The following EPM2A variants were observed in gnomAD, a reference collection of about 807,000 sequenced individuals.
EPM2A encodes laforin.
EPM2A carries 21 observed loss-of-function variants against 26.5 expected under a neutral mutation model. That is an observed-to-expected ratio of 0.79 (90% CI 0.56 to 1.14). EPM2A has a LOEUF of 1.14. EPM2A is among the 50% of genes most tolerant of loss of function. The pLI, the probability that EPM2A is intolerant of heterozygous loss-of-function variation, is 0.00. For synonymous variants in EPM2A, 217 were observed against 177.6 expected (o/e 1.22, Z -1.76); for missense variants, 458 against 440.8 (o/e 1.04, Z -0.35).
At chr6:145,451,378 T>A (rs1036917339) in intron 4 of EPM2A, among the ~76,000 whole-genome samples, 3 of 151,888 alleles carry the variant, frequency 2.0e-5, no homozygotes, top group African/African-American at 7.2e-5. Context: ...AGGTACAAGA[T>A]AAAACAATGG....
At chr6:145,734,220 AG>A (rs1458794068) in intron 1 of EPM2A, among the ~76,000 whole-genome samples, 1 of 152,256 alleles carries the variant, frequency 6.6e-6, no homozygotes, top group Non-Finnish European at 1.5e-5. Context: ...TGGTAGATGC[AG>A]AATAATTTGT....
At chr6:145,661,917 G>A (rs944309012) in intron 2 of EPM2A, among the ~76,000 whole-genome samples, 1 of 151,930 alleles carries the variant, frequency 6.6e-6, no homozygotes, top group African/African-American at 2.4e-5. Flanking sequence ...TCTTTGGAAA[G>A]ATCTGAAGTA....
intron 2 of EPM2A, among the ~76,000 whole-genome samples, chr6:145,541,759 C>T (rs1780513645): frequency 6.6e-6 from 1 of 152,066 alleles, no homozygotes; most frequent in South Asian, 2.1e-4. Context: ...GACAAATTAA[C>T]ATGAGTATCT....
At chr6:145,601,287 T>G (rs1226804283) in intron 2 of EPM2A, among the ~76,000 whole-genome samples, 1 of 152,212 alleles carries the variant, frequency 6.6e-6, no homozygotes, top group African/African-American at 2.4e-5. Flanking sequence ...ACTTCACCTG[T>G]TGTTTTTCCC....
intron 2 of EPM2A, among the ~76,000 whole-genome samples, chr6:145,588,435 G>A (rs1042263270): frequency 6.6e-6 from 1 of 152,092 alleles, no homozygotes; most frequent in Non-Finnish European, 1.5e-5. Flanking sequence ...TCATTTTTGA[G>A]AAATGTCCTT....
At chr6:145,676,224 C>T (rs1028197957) in intron 2 of EPM2A, among the ~76,000 whole-genome samples, 5 of 152,062 alleles carry the variant, frequency 3.3e-5, no homozygotes, top group Non-Finnish European at 1.5e-5. Context: ...TTCTTTGAAA[C>T]CAATGAAAAC....
At chr6:145,533,408 A>G (rs967361967) in intron 2 of EPM2A, among the ~76,000 whole-genome samples, 1 of 152,144 alleles carries the variant, frequency 6.6e-6, no homozygotes, top group Non-Finnish European at 1.5e-5. Flanking sequence ...GTCTCATAAA[A>G]TGCAGATCAT....
chr6:145,450,063 C>T (rs767155419), intron 4 of EPM2A, among the ~76,000 whole-genome samples: 51 of 151,616 alleles, frequency 3.4e-4, no homozygotes, highest in Non-Finnish European at 8.8e-5. Context: ...TGTAGAAAAA[C>T]TGAAACCAGG....
chr6:145,523,681 CAAT>C (rs1780233236), intron 2 of EPM2A, among the ~76,000 whole-genome samples: 1 of 152,138 alleles, frequency 6.6e-6, no homozygotes, highest in African/African-American at 2.4e-5. Context: ...CCCTGAAACA[CAAT>C]AATATTGAAA....
intron 2 of EPM2A, among the ~76,000 whole-genome samples, chr6:145,504,223 C>T (rs1245675676): frequency 8.0e-6 from 1 of 124,294 alleles, no homozygotes; most frequent in Non-Finnish European, 1.7e-5. Flanking sequence ...GCAATGGCAA[C>T]AAAAGCCAAA....
At chr6:145,697,044 C>A (rs1039163226) in intron 1 of EPM2A, among the ~76,000 whole-genome samples, 1 of 152,070 alleles carries the variant, frequency 6.6e-6, no homozygotes, top group South Asian at 2.1e-4. Context: ...TAACTTGGTG[C>A]ATAATAGGTT....
At chr6:145,430,511 G>T (rs952455134) in intron 4 of EPM2A, among the ~76,000 whole-genome samples, 6 of 151,796 alleles carry the variant, frequency 4.0e-5, no homozygotes, top group African/African-American at 1.2e-4. Context: ...TGAAGCAGGA[G>T]AATCGCTTGA....
chr6:145,712,734 T>C (rs934037180), intron 1 of EPM2A, among the ~76,000 whole-genome samples: 2 of 152,140 alleles, frequency 1.3e-5, no homozygotes, highest in South Asian at 2.1e-4. Flanking sequence ...CCAGAGAGTT[T>C]TTCTCCACCA....
intron 2 of EPM2A, among the ~76,000 whole-genome samples, chr6:145,541,972 T>TA (rs202151020): frequency 8.8e-4 from 130 of 147,738 alleles, no homozygotes; most frequent in African/African-American, 1.3e-3. Flanking sequence ...AGATGATGCT[T>TA]AAAAAAAAAA....
chr6:145,640,338 G>C (rs895091114), intron 2 of EPM2A: 1 of 152,164 alleles, frequency 6.6e-6, no homozygotes, highest in Admixed American at 6.5e-5. Context: ...AGAAATGGCA[G>C]AATAACCTTT....
intron 4 of EPM2A, among the ~76,000 whole-genome samples, chr6:145,387,187 CT>C (rs1233181563): frequency 1.2e-4 from 18 of 152,232 alleles, no homozygotes; most frequent in Admixed American, 1.2e-3. Flanking sequence ...ACAGAGATAG[CT>C]TTGTTCTGTT....
chr6:145,428,817 C>G (rs1778885756), intron 4 of EPM2A, among the ~76,000 whole-genome samples: 1 of 152,222 alleles, frequency 6.6e-6, no homozygotes, highest in South Asian at 2.1e-4. Context: ...CCTCAAGGAC[C>G]ATTTGGAAGC....
chr6:145,637,655 A>G (rs1455293265), intron 2 of EPM2A: 2 of 152,234 alleles, frequency 1.3e-5, no homozygotes, highest in African/African-American at 2.4e-5. Flanking sequence ...CTGGATCCAG[A>G]TAATTCTTAG....
intron 1 of EPM2A, among the ~76,000 whole-genome samples, chr6:145,700,645 T>C (rs1451905672): frequency 6.6e-6 from 1 of 152,182 alleles, no homozygotes; most frequent in Non-Finnish European, 1.5e-5. Context: ...CTCAACAGTG[T>C]CCAACATTTA....
Sources: gnomAD v4.1 joint callset for allele counts (sites outside exome capture counted in the v4.1 genomes callset) on GRCh38, gnomAD v4.1.1 for gene constraint, MANE v1.5 for transcripts, NCBI Gene and HGNC (gene_info 2026-07-23, HGNC 2026-07-21) for gene names.